Variants in EPHB4 observed in about 807,000 individuals in gnomAD.
EPHB4 encodes EPH receptor B4, also known as ephrin type-B receptor 4.
In EPHB4, 50 loss-of-function variants were observed where a neutral mutation model predicts 110.6. The ratio of observed to expected loss-of-function variants is 0.45; its 90% confidence interval spans 0.36 to 0.57. The LOEUF is 0.57. Among genes scored for constraint, EPHB4 ranks in the 20% least tolerant of loss-of-function variants. EPHB4 has a pLI of 0.00. For synonymous variants in EPHB4, 592 were observed against 578.4 expected, an observed-to-expected ratio of 1.02 and a Z score of -0.34; for missense variants, 1,128 against 1,382.1, an observed-to-expected ratio of 0.82 and a Z score of 2.91.
rs141947643 is a variant in EPHB4 at position 100,824,050 on chromosome 7, G to T, written c.124-119C>A. ...GGGGGGCTGCTGGTACTGCGAGGAGGGCGCCTCTGAGAAGGGCTCAGACGA... is the reference window on the plus strand; with the variant it reads ...GGGGGGCTGCTGGTACTGCGAGGAGTGCGCCTCTGAGAAGGGCTCAGACGA... On this transcript the variant is annotated intron_variant, in intron 2 of 16. Coordinates refer to ENST00000358173, the MANE Select transcript of EPHB4 (RefSeq NM_004444.5). The T allele has an allele frequency of 7.9e-6, 12 of 1,518,790 alleles. No individual in the cohort carries two copies. In the African/African-American group the frequency reaches 1.6e-4, roughly 21 times the overall value. 94.1% of individuals were successfully genotyped at this position (1,518,790 alleles called of 1,614,324 possible). A position where few individuals can be genotyped will look rare whatever the true frequency, so the allele number is the denominator to read the frequency against.
rs762016655 is a variant in EPHB4 at position 100,805,514 on chromosome 7, G to C, written c.2665C>G (p.Arg889Gly). ...RNPASLKIVA[R>G]ENGGASHPLL... ...TGCAGTCCTCACCCGCCATTCTCCC[G>C]GGCCACGATTTTGAGGCTGGCGGGG... The change falls in exon 15 of 17, where the codon CGG becomes GGG. Residue 889 changes from arginine (R) to glycine (G), a missense_variant. Coordinates refer to ENST00000358173, the MANE Select transcript of EPHB4 (RefSeq NM_004444.5). 7 of 1,521,394 alleles carry C rather than the reference G, an allele frequency of 4.6e-6. No homozygotes were observed. Among genetic ancestry groups the C allele is most frequent in the Non-Finnish European group, 6.2e-6 (7 of 1,134,406 alleles). The allele number at this position is 1,521,394 out of a possible 1,614,324, so 94.2% of individuals were successfully genotyped here.
chr7:100,804,194 T>A (rs1056500777), intron 16 of EPHB4, among the ~76,000 whole-genome samples: 5 of 143,930 alleles, frequency 3.5e-5, no homozygotes, highest in African/African-American at 1.3e-4. Context: ...AGAGATGGGG[T>A]TTTGCTATTT....
At chr7:100,818,685 GCT>G in intron 6 of EPHB4, 41 bp from the exon 7 acceptor site, 1 of 1,580,526 alleles carries the variant, frequency 6.3e-7, no homozygotes, top group Non-Finnish European at 8.6e-7. Flanking sequence ...GTGCATGGTA[GCT>G]CTGTCCCTTA....
rs146064780 is a variant in EPHB4 at position 100,818,611 on chromosome 7, C to A, written c.1331G>T (p.Arg444Leu). Reference sequence around the variant, plus strand: ...CAGGCTCAAGCTGCTGGGTGAGGACCGCGTCACCCGGATGTCAGACACTGC... The same window carrying A: ...CAGGCTCAAGCTGCTGGGTGAGGACAGCGTCACCCGGATGTCAGACACTGC... Reference protein sequence around the residue: ...PPAVSDIRVTRSSPSSLSLAW... With the variant: ...PPAVSDIRVTLSSPSSLSLAW... Residue 444 changes from arginine (R) to leucine (L), a missense_variant, in exon 7 of 17, where the codon CGG becomes CTG. Arg to Leu is a moderately radical substitution (Grantham distance 102). This residue lies in a region of EPHB4 where 728 missense variants were observed against 828.6 expected (regional missense o/e 0.88). Transcript: ENST00000358173. 107 of 1,612,568 alleles carry A rather than the reference C, an allele frequency of 6.6e-5. No homozygotes were observed. The highest frequency in any genetic ancestry group is 8.9e-5 in the Non-Finnish European group (105 of 1,179,982).
intron 1 of EPHB4, 43 bp from the exon 2 acceptor site, chr7:100,824,316 A>G: frequency 6.4e-7 from 1 of 1,566,342 alleles, no homozygotes; most frequent in Non-Finnish European, 8.8e-7. Flanking sequence ...GGGGTGGGGG[A>G]GGGAGGTCAG....
chr7:100,814,955 T>C (rs1813030808), intron 8 of EPHB4, among the ~76,000 whole-genome samples: 1 of 152,086 alleles, frequency 6.6e-6, no homozygotes, highest in Non-Finnish European at 1.5e-5. Flanking sequence ...AGTTTGAGGC[T>C]GCAATGCACT....
At position 100,822,290 on chromosome 7, in the gene EPHB4, C is replaced by T; in HGVS notation, c.789G>A (p.Glu263=). The change falls in exon 4 of 17, where the codon GAG becomes GAA. Residue 263 remains glutamate, a synonymous_variant. Coordinates refer to ENST00000358173, the MANE Select transcript of EPHB4 (RefSeq NM_004444.5). The surrounding 1 kb of genome is among the most constrained non-coding windows in gnomAD (Gnocchi z 4.7). ...TCTCACCTCGGCACTTGGTGTTCCC[C>T]TCAGCTGCCTCGAACCCCGGAGCAC... ...CSCAPGFEAA[E]GNTKCRACAQ... The T allele has an allele frequency of 6.4e-7, 1 of 1,563,316 alleles. No individual in the cohort carries two copies. Among genetic ancestry groups the T allele is most frequent in the Non-Finnish European group, 8.7e-7 (1 of 1,152,842 alleles).
chr7:100,824,291 AC>A lies in EPHB4; in HGVS notation c.53-19del. 1 of 1,613,562 alleles carries A rather than the reference AC, an allele frequency of 6.2e-7. No individual in the cohort carries two copies. The highest frequency in any genetic ancestry group is 8.5e-7 in the Non-Finnish European group (1 of 1,179,676). ...CAGGGTCTCTGAGACAGACAGAGAG[AC>A]AGAGTCAGTGCCTGGGGTGGGGGAG... On this transcript the variant is annotated intron_variant, in intron 1 of 16. Coordinates refer to ENST00000358173, the MANE Select transcript of EPHB4 (RefSeq NM_004444.5).
At chr7:100,823,976 G>A (rs1312281421) in intron 2 of EPHB4, 45 bp from the exon 3 acceptor site, 9 of 1,535,222 alleles carry the variant, frequency 5.9e-6, no homozygotes, top group African/African-American at 1.4e-5. Context: ...GAGCCGCCAG[G>A]GAGAGGGCTG....
chr7:100,805,788 T>C, intron 14 of EPHB4, 94 bp from the exon 15 acceptor site: 1 of 1,247,210 alleles, frequency 8.0e-7, no homozygotes, highest in South Asian at 2.4e-5. Flanking sequence ...GATGGTAGGA[T>C]AGGAGCCACA....
At chr7:100,803,622 C>G in intron 16 of EPHB4, 32 bp from the exon 17 acceptor site, 3 of 1,564,522 alleles carry the variant, frequency 1.9e-6, no homozygotes, top group Non-Finnish European at 2.6e-6. Flanking sequence ...TGGTGAGACC[C>G]TAGGTTCCCT....
intron 12 of EPHB4, 114 bp downstream of exon 12, chr7:100,812,633 A>G: frequency 7.1e-7 from 1 of 1,409,752 alleles, no homozygotes; most frequent in Non-Finnish European, 9.4e-7. Context: ...CCAAGAGGAA[A>G]AGGCTGGAGG....
rs1812839285 is a variant in EPHB4 at position 100,807,397 on chromosome 7, TCTC to T, written c.2299_2301del (p.Glu767del). 1.2e-6 allele frequency: 2 copies of T among 1,613,266 alleles called. No individual in the cohort carries two copies. Among genetic ancestry groups the T allele is most frequent in the Non-Finnish European group, 1.7e-6 (2 of 1,179,900 alleles). ...CTCGTGTAGGTGGGATCGGAAGAGT[TCTC>T]CTCCAGGAATCGGGAAAGGCCAAAG... On this transcript the variant is annotated inframe_deletion, in exon 13 of 17. Transcript: ENST00000358173.
intron 12 of EPHB4, among the ~76,000 whole-genome samples, chr7:100,810,559 T>A (rs527652966): frequency 6.6e-6 from 1 of 151,884 alleles, no homozygotes; most frequent in Non-Finnish European, 1.5e-5. Context: ...CTGGGCAACA[T>A]AGCGAGACCC....
At chr7:100,826,897 G>A in intron 1 of EPHB4, 82 bp downstream of exon 1, 2 of 1,478,096 alleles carry the variant, frequency 1.4e-6, no homozygotes, top group South Asian at 1.3e-5. Flanking sequence ...GTCAGAGGCC[G>A]GCCCCTCCAC....
At chr7:100,804,308 CTTTTTTTTTTTT>C (rs11338293) in intron 16 of EPHB4, among the ~76,000 whole-genome samples, 3 of 71,568 alleles carry the variant, frequency 4.2e-5, no homozygotes, top group Admixed American at 2.1e-4. Flanking sequence ...CTTCACATTT[CTTTTTTTTTTTT>C]TTTTTTTTTT....
In EPHB4 at chr7:100,808,765, A is replaced by G. The variant is rs375721874; in HGVS notation, c.2119-1185T>C. Among the ~76,000 whole-genome samples, 40 of 152,338 alleles carry G rather than the reference A, an allele frequency of 2.6e-4. No homozygotes were observed. The South Asian group carries it at 7.3e-3, about 28-fold the overall frequency. On this transcript the variant is annotated intron_variant, in intron 12 of 16. Transcript: ENST00000358173. ...ATTCTGGGTTCCGCTAAGATTTGGCAGACCATCTGCAGCCCTACAGAACCA... is the reference window on the plus strand; with the variant it reads ...ATTCTGGGTTCCGCTAAGATTTGGCGGACCATCTGCAGCCCTACAGAACCA...
At chr7:100,806,191 C>G in intron 14 of EPHB4, 1 of 390,938 alleles carries the variant, frequency 2.6e-6, no homozygotes, top group African/African-American at 2.1e-5. Context: ...AACTCCTAAC[C>G]TTAGGTGATC....
intron 12 of EPHB4, among the ~76,000 whole-genome samples, chr7:100,811,199 C>A (rs1313610128): frequency 1.3e-5 from 2 of 151,378 alleles, no homozygotes; most frequent in Non-Finnish European, 2.9e-5. Flanking sequence ...TTGCGGTGAG[C>A]CAAGAACGCA....
Sources: allele counts gnomAD v4.1 joint callset (sites outside exome capture counted in the v4.1 genomes callset), GRCh38; gene constraint gnomAD v4.1.1; regional missense constraint gnomAD v4.1.1; non-coding constraint Gnocchi (gnomAD v3.1); transcripts MANE v1.5; gene names NCBI Gene and HGNC (gene_info 2026-07-23, HGNC 2026-07-21).